The following COMMD10 variants were observed in gnomAD, a reference collection of about 807,000 sequenced individuals.
The protein encoded by COMMD10 is COMM domain-containing protein 10.
In COMMD10, 33 loss-of-function variants were observed where a neutral mutation model predicts 28.9. That is an observed-to-expected ratio of 1.14 (90% CI 0.87 to 1.53). The LOEUF is 1.53. Among genes scored for constraint, COMMD10 ranks in the 40% most tolerant of loss-of-function variants. The pLI, the probability that COMMD10 is intolerant of heterozygous loss-of-function variation, is 0.00. For synonymous variants in COMMD10, 110 were observed against 81.7 expected (o/e 1.35, Z -1.87); for missense variants, 310 against 233.4 (o/e 1.33, Z -2.14).
intron 1 of COMMD10, chr5:116,085,350 G>C (rs753637639): frequency 5.2e-5 from 25 of 479,190 alleles, no homozygotes; most frequent in Non-Finnish European, 8.9e-5. Flanking sequence ...GAAGCGTGTG[G>C]TCTGCAAGCG....
chr5:116,228,287 A>C (rs1263887965), intron 5 of COMMD10, among the ~76,000 whole-genome samples: 1 of 151,994 alleles, frequency 6.6e-6, no homozygotes, highest in African/African-American at 2.4e-5. Flanking sequence ...AACGTCAGCC[A>C]CAAAATCATT....
intron 4 of COMMD10, among the ~76,000 whole-genome samples, chr5:116,113,606 A>T (rs549347943): frequency 1.3e-5 from 2 of 151,754 alleles, no homozygotes; most frequent in African/African-American, 4.8e-5. Flanking sequence ...TGTATTTTAT[A>T]TCTCCTTCAG....
At chr5:116,142,332 A>T (rs1489499801) in intron 5 of COMMD10, among the ~76,000 whole-genome samples, 7 of 151,816 alleles carry the variant, frequency 4.6e-5, no homozygotes, top group African/African-American at 1.7e-4. Context: ...GTTTGTTTCT[A>T]GTATTTTCCT....
intron 5 of COMMD10, among the ~76,000 whole-genome samples, chr5:116,191,986 G>A (rs960270001): frequency 2.6e-5 from 4 of 151,658 alleles, no homozygotes; most frequent in African/African-American, 4.8e-5. Context: ...ATCACAGGAT[G>A]TGATATTGTG....
At chr5:116,220,232 C>A (rs1462449958) in intron 5 of COMMD10, among the ~76,000 whole-genome samples, 6 of 152,098 alleles carry the variant, frequency 3.9e-5, no homozygotes, top group Non-Finnish European at 7.4e-5. Context: ...GGCATAAAGT[C>A]TCAGATAACA....
chr5:116,157,566 A>T (rs976596665), intron 5 of COMMD10, among the ~76,000 whole-genome samples: 2 of 152,212 alleles, frequency 1.3e-5, no homozygotes, highest in Non-Finnish European at 2.9e-5. Flanking sequence ...TCTGGTACAG[A>T]ACAGGCACAC....
chr5:116,251,080 A>C (rs1350963870), intron 5 of COMMD10, among the ~76,000 whole-genome samples: 1 of 151,980 alleles, frequency 6.6e-6, no homozygotes, highest in Admixed American at 6.6e-5. Context: ...GCTCCTAGTT[A>C]ATGCTACCAA....
intron 5 of COMMD10, among the ~76,000 whole-genome samples, chr5:116,149,127 T>C (rs1028162712): frequency 4.0e-5 from 6 of 149,730 alleles, no homozygotes; most frequent in African/African-American, 1.2e-4. Context: ...GTTCTTGCGA[T>C]AGTTTACTGA....
At chr5:116,140,720 T>C (rs1252713278) in intron 5 of COMMD10, among the ~76,000 whole-genome samples, 1 of 151,742 alleles carries the variant, frequency 6.6e-6, no homozygotes, top group African/African-American at 2.4e-5. Context: ...TTTTATGTCT[T>C]CTTTGGAGAA....
At chr5:116,141,145 G>A (rs1465913499) in intron 5 of COMMD10, among the ~76,000 whole-genome samples, 1 of 151,268 alleles carries the variant, frequency 6.6e-6, no homozygotes, top group Non-Finnish European at 1.5e-5. Flanking sequence ...TTTTCACATG[G>A]ATATTCAGTT....
At chr5:116,281,239 CTAAT>C (rs1425155907) in intron 5 of COMMD10, among the ~76,000 whole-genome samples, 1 of 151,634 alleles carries the variant, frequency 6.6e-6, no homozygotes, top group African/African-American at 2.4e-5. Context: ...TAATTCCTAA[CTAAT>C]GGGAAAACAG....
At chr5:116,119,918 C>T (rs905314403) in intron 4 of COMMD10, among the ~76,000 whole-genome samples, 1 of 152,112 alleles carries the variant, frequency 6.6e-6, no homozygotes, top group African/African-American at 2.4e-5. Flanking sequence ...CTGTGCCTGC[C>T]TTGTATCTTT....
chr5:116,145,363 G>A (rs1207347819), intron 5 of COMMD10, among the ~76,000 whole-genome samples: 9 of 151,950 alleles, frequency 5.9e-5, no homozygotes, highest in South Asian at 2.1e-4. Context: ...CACATGTGGA[G>A]TAGGTGGATA....
intron 4 of COMMD10, among the ~76,000 whole-genome samples, chr5:116,125,651 A>G (rs1036343134): frequency 6.6e-6 from 1 of 152,076 alleles, no homozygotes; most frequent in African/African-American, 2.4e-5. Context: ...GTGTTTTCCA[A>G]CTTGGTTCCA....
chr5:116,288,194 G>A lies in COMMD10; in HGVS notation c.511-3323G>A, dbSNP rs553598688. Among the ~76,000 whole-genome samples, 61 of 151,768 alleles carry A rather than the reference G, an allele frequency of 4.0e-4. 3 individuals are homozygous for A. The highest frequency in any genetic ancestry group is 1.3e-3 in the African/African-American group (53 of 41,264). ...TTCTTCACTTTTGAAGAACTGTTTT[G>A]CCAGATGCAGTATTCCTGATTAATA... On this transcript the variant is annotated intron_variant, in intron 5 of 6. Coordinates refer to ENST00000274458, the MANE Select transcript of COMMD10 (RefSeq NM_016144.4).
At chr5:116,089,620 T>TCCATA (rs1750231912) in intron 2 of COMMD10, among the ~76,000 whole-genome samples, 1 of 152,204 alleles carries the variant, frequency 6.6e-6, no homozygotes, top group Non-Finnish European at 1.5e-5. Context: ...AGTATCTATC[T>TCCATA]TAGAGTTAAC....
chr5:116,289,486 A>G (rs1751308952), intron 5 of COMMD10, among the ~76,000 whole-genome samples: 1 of 151,846 alleles, frequency 6.6e-6, no homozygotes. Context: ...CTGCCCGTGG[A>G]ACTGCAGCTC....
intron 5 of COMMD10, among the ~76,000 whole-genome samples, chr5:116,191,777 C>G (rs1464462616): frequency 1.3e-5 from 2 of 152,016 alleles, no homozygotes; most frequent in African/African-American, 2.4e-5. Context: ...TGGTCCCTCT[C>G]TGCACTACTA....
intron 2 of COMMD10, 94 bp from the exon 3 acceptor site, chr5:116,090,985 T>C (rs1015348299): frequency 5.2e-5 from 34 of 650,040 alleles, no homozygotes; most frequent in Non-Finnish European, 3.3e-5. Context: ...TTTAAAGTTC[T>C]CATCTCATAT....
Sources: gnomAD v4.1 joint callset for allele counts (sites outside exome capture counted in the v4.1 genomes callset) on GRCh38, gnomAD v4.1.1 for gene constraint, MANE v1.5 for transcripts, NCBI Gene and HGNC (gene_info 2026-07-23, HGNC 2026-07-21) for gene names.